TEX2: variants seen among roughly 807,000 people sequenced by gnomAD.
TEX2 encodes the protein testis-expressed protein 2.
TEX2 carries 53 observed loss-of-function variants against 106.9 expected under a neutral mutation model. The observed-to-expected ratio is 0.50, with a 90% CI of 0.40 to 0.62. The LOEUF is 0.62. Among genes scored for constraint, TEX2 ranks in the 20% least tolerant of loss-of-function variants. The pLI is 0.00. For synonymous variants in TEX2, 523 were observed against 534.8 expected, an observed-to-expected ratio of 0.98 and a Z score of 0.30; for missense variants, 1,207 against 1,379.0, an observed-to-expected ratio of 0.88 and a Z score of 1.98.
rs139723397 is a variant in TEX2 at position 64,241,777 on chromosome 17, C to T, written c.-26+21391G>A. Among the ~76,000 whole-genome samples the T allele has an allele frequency of 3.9e-5, 6 of 152,252 alleles. No individual in the cohort carries two copies. In the East Asian group the frequency reaches 1.2e-3, roughly 29 times the overall value. ...CCTTCTGAGTAGCTAGGACTACAGG[C>T]ACATGCCAGTACACCCAGCTAGTTT... On this transcript the variant is annotated intron_variant, in intron 1 of 11. Coordinates refer to ENST00000584379, the MANE Select transcript of TEX2 (RefSeq NM_001288732.2).
At chr17:64,249,520 A>AT (rs2034052397) in intron 1 of TEX2, among the ~76,000 whole-genome samples, 1 of 152,124 alleles carries the variant, frequency 6.6e-6, no homozygotes, top group African/African-American at 2.4e-5. Flanking sequence ...GGGTCAACAA[A>AT]TATACATATA....
At chr17:64,192,876 C>T (rs2032345385) in intron 4 of TEX2, among the ~76,000 whole-genome samples, 1 of 152,184 alleles carries the variant, frequency 6.6e-6, no homozygotes, top group Non-Finnish European at 1.5e-5. Context: ...TGTTTCAGAT[C>T]CATGTAAGAA....
At chr17:64,210,512 C>A (rs1193346673) in intron 2 of TEX2, among the ~76,000 whole-genome samples, 9 of 151,546 alleles carry the variant, frequency 5.9e-5, no homozygotes, top group African/African-American at 2.2e-4. Context: ...AATTTTTTTT[C>A]TTTGGGTTTC....
intron 5 of TEX2, among the ~76,000 whole-genome samples, chr17:64,179,248 CACCAATCAGCGCTCTGTAAAATGT>C (rs1188947732): frequency 9.9e-5 from 15 of 152,238 alleles, no homozygotes; most frequent in East Asian, 9.7e-4. Flanking sequence ...CTATAAAACG[CACCAATCAGCGCTCTGTAAAATGT>C]ACCAATCAGC....
intron 1 of TEX2, among the ~76,000 whole-genome samples, chr17:64,224,307 A>G (rs1555633619): frequency 6.6e-6 from 1 of 152,208 alleles, no homozygotes; most frequent in Non-Finnish European, 1.5e-5. Flanking sequence ...GATGCCACAG[A>G]GCAAAACAGT....
intron 7 of TEX2, among the ~76,000 whole-genome samples, chr17:64,162,490 A>G (rs1007031702): frequency 3.3e-5 from 5 of 152,252 alleles, no homozygotes; most frequent in Admixed American, 3.3e-4. Context: ...AGTTTCTAAT[A>G]AATATTAATA....
chr17:64,186,932 C>T (rs1360408904), intron 5 of TEX2, among the ~76,000 whole-genome samples: 5 of 152,332 alleles, frequency 3.3e-5, no homozygotes, highest in African/African-American at 1.2e-4. Flanking sequence ...AGGCCTCAGG[C>T]CAAGCAGGCT....
At chr17:64,181,917 G>A (rs77456463) in intron 5 of TEX2, among the ~76,000 whole-genome samples, 6,064 of 151,374 alleles carry the variant, frequency 0.04, 415 homozygotes, top group African/African-American at 0.14. Context: ...ACAGTATTGC[G>A]GTTCCTTAAA....
At chr17:64,253,853 A>G (rs1195455264) in intron 1 of TEX2, among the ~76,000 whole-genome samples, 1 of 152,116 alleles carries the variant, frequency 6.6e-6, no homozygotes, top group Non-Finnish European at 1.5e-5. Context: ...CCCATCTCTT[A>G]TTTACTCCTA....
chr17:64,234,468 A>G (rs1435740794), intron 1 of TEX2, among the ~76,000 whole-genome samples: 1 of 152,264 alleles, frequency 6.6e-6, no homozygotes, highest in Non-Finnish European at 1.5e-5. Context: ...AAACAGGAGC[A>G]GAACTTTCTG....
At chr17:64,183,969 G>A (rs758605579) in intron 5 of TEX2, among the ~76,000 whole-genome samples, 30 of 152,102 alleles carry the variant, frequency 2.0e-4, no homozygotes, top group Non-Finnish European at 4.1e-4. Context: ...ATCTGGGTGG[G>A]TGTGAAGTGA....
rs750057470 is a variant in TEX2, at chr17:64,150,799, T to G, written c.3261+42A>C. Reference sequence around the variant, plus strand: ...CAGAACCTCGGCTAAACCCAGAGCTTCTATACTTGGTGTGAAATACTAGAT... The same window carrying G: ...CAGAACCTCGGCTAAACCCAGAGCTGCTATACTTGGTGTGAAATACTAGAT... On this transcript the variant is annotated intron_variant, in intron 11 of 11. Transcript: ENST00000584379. 11 of 1,587,448 alleles carry G rather than the reference T, an allele frequency of 6.9e-6. No individual in the cohort carries two copies. In the South Asian group the frequency reaches 1.3e-4, roughly 19 times the overall value.
chr17:64,219,583 C>A (rs2033300034), intron 1 of TEX2, among the ~76,000 whole-genome samples: 1 of 150,626 alleles, frequency 6.6e-6, no homozygotes, highest in South Asian at 2.1e-4. Context: ...GCAAGCAGAC[C>A]AGTTTTAAGG....
At chr17:64,229,225 T>A (rs563088538) in intron 1 of TEX2, among the ~76,000 whole-genome samples, 1 of 152,204 alleles carries the variant, frequency 6.6e-6, no homozygotes. Flanking sequence ...CTAATTAACA[T>A]TGTATAAAAT....
intron 2 of TEX2, among the ~76,000 whole-genome samples, chr17:64,199,822 C>A (rs1018911688): frequency 2.0e-5 from 3 of 152,188 alleles, no homozygotes; most frequent in Admixed American, 2.0e-4. Context: ...CAGTTCAGGG[C>A]CAGTTATTGG....
intron 1 of TEX2, among the ~76,000 whole-genome samples, chr17:64,214,998 G>A (rs1229193346): frequency 2.6e-5 from 4 of 152,232 alleles, no homozygotes; most frequent in Non-Finnish European, 4.4e-5. Flanking sequence ...TATCACTGCT[G>A]TAACCCACCA....
chr17:64,178,787 C>A (rs939767852), intron 5 of TEX2, among the ~76,000 whole-genome samples: 2 of 152,234 alleles, frequency 1.3e-5, no homozygotes, highest in African/African-American at 4.8e-5. Context: ...TAACACACAC[C>A]AGACACTCTC....
chr17:64,220,030 G>A (rs2033314234), intron 1 of TEX2, among the ~76,000 whole-genome samples: 1 of 152,200 alleles, frequency 6.6e-6, no homozygotes, highest in Non-Finnish European at 1.5e-5. Flanking sequence ...AAGGCGATGT[G>A]AAACAGAAGC....
chr17:64,161,075 G>A, intron 7 of TEX2, 142 bp from the exon 8 acceptor site: 1 of 872,882 alleles, frequency 1.1e-6, no homozygotes, highest in Non-Finnish European at 1.7e-6. Flanking sequence ...GAAGAGGACT[G>A]AGAGCACATT....
Sources: gnomAD v4.1 joint callset for allele counts (sites outside exome capture counted in the v4.1 genomes callset) on GRCh38, gnomAD v4.1.1 for gene constraint, MANE v1.5 for transcripts, NCBI Gene and HGNC (gene_info 2026-07-23, HGNC 2026-07-21) for gene names.